Variants in ZNF496 observed in about 807,000 individuals in gnomAD.
The protein encoded by ZNF496 is NSD1 (nuclear receptor binding SET-domain containing 1)-interacting zinc finger protein 1.
ZNF496 carries 11 observed loss-of-function variants against 58.9 expected under a neutral mutation model. The ratio of observed to expected loss-of-function variants is 0.19; its 90% CI spans 0.12 to 0.31. The LOEUF (loss-of-function observed/expected upper bound fraction) is 0.31. ZNF496 is among the 10% of genes least tolerant of loss of function. The pLI is 1.00. For missense variants in ZNF496, 660 were observed against 783.0 expected (o/e 0.84, Z 1.88); for synonymous variants, 338 against 318.2 (o/e 1.06, Z -0.66).
chr1:247,300,618 G>A lies in ZNF496; in HGVS notation c.1665C>T (p.Cys555=), dbSNP rs1343740925. Residue 555 remains cysteine (C), a synonymous_variant, in exon 10 of 10, where the codon TGC becomes TGT. Coordinates refer to ENST00000682384, the MANE Select transcript of ZNF496 (RefSeq NM_032752.3). This position sits in a 1 kb window ranked among gnomAD's most constrained non-coding sequence, Gnocchi z 5.7. ...GCGTGAAGCTCTTGACGCAGTACCG[G>A]CACTGGAAGGGCCGGGCTTTGTCCT... ...HLKDKARPFQ[C]RYCVKSFTQN... 6.2e-7 allele frequency: 1 copy of A among 1,614,148 alleles called. No individual in the cohort carries two copies.
intron 5 of ZNF496, among the ~76,000 whole-genome samples, chr1:247,328,236 C>T (rs1319625742): frequency 6.6e-6 from 1 of 152,210 alleles, no homozygotes; most frequent in Non-Finnish European, 1.5e-5. Flanking sequence ...AGTATTTCTA[C>T]ATCTCTTCGC....
intron 6 of ZNF496, chr1:247,311,463 A>G (rs1057185200): frequency 2.7e-5 from 4 of 147,224 alleles, no homozygotes; most frequent in Non-Finnish European, 6.0e-5. Context: ...ACACACACAC[A>G]TATATAGTGG....
At chr1:247,321,154 C>A (rs10754542) in intron 6 of ZNF496, among the ~76,000 whole-genome samples, 47,719 of 151,140 alleles carry the variant, frequency 0.32, 8,815 homozygotes, top group East Asian at 0.52. Context: ...TCAGCCTGGG[C>A]GACAGAGCAA....
chr1:247,316,520 T>C (rs1389410782), intron 6 of ZNF496, among the ~76,000 whole-genome samples: 2 of 152,150 alleles, frequency 1.3e-5, no homozygotes, highest in African/African-American at 4.8e-5. Context: ...ACTCAGCCCC[T>C]CGCCATGTGA....
Position 247,328,825 on chromosome 1 carries a change from G to C in ZNF496, c.432C>G (p.Asp144Glu). The C allele has an allele frequency of 6.2e-7, 1 of 1,610,726 alleles. No homozygotes were observed. The highest frequency in any genetic ancestry group is 8.5e-7 in the Non-Finnish European group (1 of 1,178,632). ...CEDPVVIDDG[D>E]SPLDQEQEQL... ...GCTCCTGCTCCTGGTCCAGAGGGCT[G>C]TCCCCATCATCAATCACCACAGGGT... is the stretch of plus-strand genomic sequence containing the variant. The change falls in exon 5 of 10, where the codon GAC becomes GAG. Residue 144 changes from aspartate to glutamate, a missense_variant. By Grantham distance (45) the Asp-to-Glu change is conservative. Transcript: ENST00000682384.
Position 247,309,795 on chromosome 1 carries a change from C to G in ZNF496, c.796G>C (p.Ala266Pro), listed in dbSNP as rs759667017. 4 of 1,614,174 alleles carry G rather than the reference C, an allele frequency of 2.5e-6. No individual in the cohort carries two copies. Among genetic ancestry groups the G allele is most frequent in the South Asian group, 1.1e-5 (1 of 91,084 alleles). ...TCTCCCTGGGAGAGATCTGGCTGGGCAGCTAGGTCGTCTGTTCAAAGAAAA... is the reference window on the plus strand; with the variant it reads ...TCTCCCTGGGAGAGATCTGGCTGGGGAGCTAGGTCGTCTGTTCAAAGAAAA... Reference protein sequence around the residue: ...GVSMPPNDLAAQPDLSQGEEN... With the variant: ...GVSMPPNDLAPQPDLSQGEEN... The change falls in exon 8 of 10, where the codon GCC becomes CCC. Residue 266 changes from alanine to proline, a missense_variant. Coordinates refer to ENST00000682384, the MANE Select transcript of ZNF496 (RefSeq NM_032752.3). The surrounding 1 kb of genome is among the most constrained non-coding windows in gnomAD (Gnocchi z 4.3).
intron 6 of ZNF496, chr1:247,312,769 TTG>T (rs1173902394): frequency 6.6e-6 from 1 of 150,932 alleles, no homozygotes. Flanking sequence ...AAAGAAAAAA[TTG>T]TCTGTTCATG....
intron 6 of ZNF496, chr1:247,312,653 C>A (rs1174326120): frequency 6.6e-6 from 1 of 151,174 alleles, no homozygotes; most frequent in Non-Finnish European, 1.5e-5. Context: ...GTAATCTCCG[C>A]TACTCAGGAG....
intron 5 of ZNF496, among the ~76,000 whole-genome samples, chr1:247,327,469 C>T (rs1011013398): frequency 6.6e-6 from 1 of 152,222 alleles, no homozygotes; most frequent in African/African-American, 2.4e-5. Flanking sequence ...GCTGCTGATA[C>T]ATTGACTTCA....
intron 6 of ZNF496, chr1:247,311,977 C>T (rs1659618009): frequency 6.6e-6 from 1 of 152,250 alleles, no homozygotes; most frequent in Non-Finnish European, 1.5e-5. Flanking sequence ...CTGATGATTT[C>T]TGAATTGCCT....
chr1:247,308,001 T>C lies in ZNF496; in HGVS notation c.1006+474A>G, dbSNP rs1659470333. On this transcript the variant is annotated intron_variant, in intron 9 of 9. Coordinates refer to ENST00000682384, the MANE Select transcript of ZNF496 (RefSeq NM_032752.3). The surrounding 1 kb of genome is among the most constrained non-coding windows in gnomAD (Gnocchi z 4.5). ...TGCTCTTTAATCCCAGTTCCAAGAT[T>C]CTGTGCCAGGATGCTGGCCATCCAT... The C allele has an allele frequency of 2.0e-6, 2 of 985,376 alleles. No individual in the cohort carries two copies. Among genetic ancestry groups the C allele is most frequent in the African/African-American group, 1.7e-5 (1 of 57,336 alleles). The allele number at this position is 985,376 out of a possible 1,614,324, so 61.0% of individuals were successfully genotyped here.
chr1:247,302,674 G>T (rs906686741), intron 9 of ZNF496, among the ~76,000 whole-genome samples: 2 of 152,078 alleles, frequency 1.3e-5, no homozygotes, highest in Admixed American at 1.3e-4. Flanking sequence ...TCGACTCTTG[G>T]TTTTCGAGCT....
At chr1:247,318,049 T>C (rs1659842277) in intron 6 of ZNF496, among the ~76,000 whole-genome samples, 1 of 151,758 alleles carries the variant, frequency 6.6e-6, no homozygotes, top group East Asian at 1.9e-4. Context: ...ATACAGAAAA[T>C]AACTAACTGG....
chr1:247,305,595 C>T (rs1188496917), intron 9 of ZNF496, among the ~76,000 whole-genome samples: 1 of 152,126 alleles, frequency 6.6e-6, no homozygotes, highest in Non-Finnish European at 1.5e-5. Flanking sequence ...TGAATGACTT[C>T]CTGCGAGCTG....
At chr1:247,303,247 C>T (rs565476437) in intron 9 of ZNF496, among the ~76,000 whole-genome samples, 12 of 152,170 alleles carry the variant, frequency 7.9e-5, no homozygotes, top group Non-Finnish European at 1.2e-4. Flanking sequence ...GTCTCCAAGA[C>T]GAGAAAGGCC....
At chr1:247,326,822 C>T (rs1660143023) in intron 5 of ZNF496, among the ~76,000 whole-genome samples, 5 of 152,148 alleles carry the variant, frequency 3.3e-5, no homozygotes, top group Admixed American at 3.3e-4. Flanking sequence ...GAGATTAAGA[C>T]ACAGACACAC....
Position 247,309,403 on chromosome 1 carries a change from C to A in ZNF496, c.892+296G>T. On this transcript the variant is annotated intron_variant, in intron 8 of 9. Coordinates refer to ENST00000682384, the MANE Select transcript of ZNF496 (RefSeq NM_032752.3). The surrounding 1 kb of genome is among the most constrained non-coding windows in gnomAD (Gnocchi z 4.3). ...GTATCTGACTTCACTCCTGGAGGGG[C>A]TGCTGCATTGTCAGCACAAACCAGA... 1 of 1,225,432 alleles carries A rather than the reference C, an allele frequency of 8.2e-7. No individual in the cohort carries two copies. Among genetic ancestry groups the A allele is most frequent in the Middle Eastern group, 3.3e-4 (1 of 3,024 alleles). 75.9% of individuals were successfully genotyped at this position (1,225,432 alleles called of 1,614,324 possible). A position where few individuals can be genotyped will look rare whatever the true frequency, so the allele number is the denominator to read the frequency against.
Position 247,315,995 on chromosome 1 carries a change from G to C in ZNF496, c.652-5539C>G, listed in dbSNP as rs935342688. Among the ~76,000 whole-genome samples the C allele has an allele frequency of 4.4e-4, 67 of 152,216 alleles. 1 individual carries two copies. The highest frequency in any genetic ancestry group is 1.1e-3 in the African/African-American group (44 of 41,514). ...TTCCACAGAATCCAAAACAGGCCTC[G>C]GGAAGCCACTGGATTTCATTACAAG... On this transcript the variant is annotated intron_variant, in intron 6 of 9. Transcript: ENST00000682384.
At position 247,301,261 on chromosome 1, in the gene ZNF496, C is replaced by G. The variant is rs767815336; in HGVS notation, c.1022G>C (p.Arg341Pro). 1 of 1,512,350 alleles carries G rather than the reference C, an allele frequency of 6.6e-7. No individual in the cohort carries two copies. Among genetic ancestry groups the G allele is most frequent in the South Asian group, 1.3e-5 (1 of 75,158 alleles). The allele number at this position is 1,512,350 out of a possible 1,614,324, so 93.7% of individuals were successfully genotyped here. A position where few individuals can be genotyped will look rare whatever the true frequency, so the allele number is the denominator to read the frequency against. Residue 341 changes from arginine to proline, a missense_variant, in exon 10 of 10, where the codon CGA (arginine) becomes CCA (proline). Physicochemically the swap from Arg to Pro is moderately radical, Grantham distance 103. Transcript: ENST00000682384. ...TTCATCCAGGCTGTTCTCTAGAGATCGCGGGTTGCCGCCAGCTACAGGAAG... is the reference window on the plus strand; with the variant it reads ...TTCATCCAGGCTGTTCTCTAGAGATGGCGGGTTGCCGCCAGCTACAGGAAG... ...QNTYPAGGNP[R>P]SLENSLDEEV...
Sources: allele counts gnomAD v4.1 joint callset (sites outside exome capture counted in the v4.1 genomes callset), GRCh38; gene constraint gnomAD v4.1.1; non-coding constraint Gnocchi (gnomAD v3.1); transcripts MANE v1.5; gene names NCBI Gene and HGNC (gene_info 2026-07-23, HGNC 2026-07-21).